IGF2BP3: variants seen among roughly 807,000 people sequenced by gnomAD.
The protein encoded by IGF2BP3 is insulin-like growth factor 2 mRNA-binding protein 3.
In IGF2BP3, 9 loss-of-function variants were observed where a neutral mutation model predicts 73.8. The ratio of observed to expected loss-of-function variants is 0.12; its 90% CI spans 0.07 to 0.21. IGF2BP3 has a LOEUF of 0.21. Ranked by LOEUF, IGF2BP3 falls within the 10% of genes least tolerant of loss-of-function variation. The pLI is 1.00. For synonymous variants in IGF2BP3, 258 were observed against 256.7 expected, an observed-to-expected ratio of 1.01 and a Z score of -0.05; for missense variants, 542 against 714.0, an observed-to-expected ratio of 0.76 and a Z score of 2.75.
chr7:23,374,870 A>G (rs1000201423), intron 3 of IGF2BP3, among the ~76,000 whole-genome samples: 17 of 152,188 alleles, frequency 1.1e-4, no homozygotes, highest in Non-Finnish European at 1.8e-4. Context: ...GGGAGACATC[A>G]CATGTCGGCA....
At chr7:23,414,860 G>C (rs890565036) in intron 3 of IGF2BP3, 8 of 174,164 alleles carry the variant, frequency 4.6e-5, no homozygotes, top group Non-Finnish European at 7.3e-5. Flanking sequence ...GGCCCTGTCC[G>C]TCAGTCGGCA....
chr7:23,361,313 T>C (rs1193177075), intron 5 of IGF2BP3: 1 of 470,950 alleles, frequency 2.1e-6, no homozygotes, highest in East Asian at 3.8e-5. Flanking sequence ...ACTCTATTAT[T>C]GGCATTAAAG....
In IGF2BP3 at chr7:23,469,772, A is replaced by G. The variant is rs149182504; in HGVS notation, c.175+164T>C. Among the ~76,000 whole-genome samples the G allele has an allele frequency of 0.019, 2,932 of 151,486 alleles. 98 individuals carry two copies. Among genetic ancestry groups the G allele is most frequent in the African/African-American group, 0.068 (2,802 of 41,368 alleles). ...AGCCGCGGGCCGGAGTGGGAGCCGGAGCTGAGGAGAGCCCCGGCCCCCACG... is the reference window on the plus strand; with the variant it reads ...AGCCGCGGGCCGGAGTGGGAGCCGGGGCTGAGGAGAGCCCCGGCCCCCACG... On this transcript the variant is annotated intron_variant, in intron 1 of 14. Coordinates refer to ENST00000258729, the MANE Select transcript of IGF2BP3 (RefSeq NM_006547.3). The surrounding 1 kb of genome is among the most constrained non-coding windows in gnomAD (Gnocchi z 6.1).
At chr7:23,321,243 G>T (rs577716606) in intron 10 of IGF2BP3, among the ~76,000 whole-genome samples, 2 of 152,340 alleles carry the variant, frequency 1.3e-5, no homozygotes, top group South Asian at 4.1e-4. Flanking sequence ...AGCAGGGCGA[G>T]GCATTGCCTC....
intron 2 of IGF2BP3, among the ~76,000 whole-genome samples, chr7:23,442,552 C>G (rs1787961553): frequency 6.6e-6 from 1 of 152,064 alleles, no homozygotes; most frequent in South Asian, 2.1e-4. Flanking sequence ...CACCCACTAC[C>G]ACGCCCAGCT....
chr7:23,469,298 C>T lies in IGF2BP3; in HGVS notation c.175+638G>A, dbSNP rs1315146910. ...GCGGGCGGCCGGTGCGTGGCGGCGA[C>T]TCCCTTCCAGGCGACCAGCCGCCCC... On this transcript the variant is annotated intron_variant, in intron 1 of 14. Coordinates refer to ENST00000258729, the MANE Select transcript of IGF2BP3 (RefSeq NM_006547.3). This position sits in a 1 kb window ranked among gnomAD's most constrained non-coding sequence, Gnocchi z 6.1. The T allele has an allele frequency of 6.6e-6, 1 of 152,164 alleles. No homozygotes were observed. Among genetic ancestry groups the T allele is most frequent in the East Asian group, 1.9e-4 (1 of 5,130 alleles). The allele number at this position is 152,164 out of a possible 1,614,324, so 9.4% of individuals were successfully genotyped here.
chr7:23,326,133 T>C (rs1054480938), intron 10 of IGF2BP3, among the ~76,000 whole-genome samples: 1 of 152,016 alleles, frequency 6.6e-6, no homozygotes, highest in Non-Finnish European at 1.5e-5. Context: ...ACAGGCAACC[T>C]ACAGAATGGG....
chr7:23,365,457 C>A (rs1785345744), intron 3 of IGF2BP3, among the ~76,000 whole-genome samples: 1 of 152,142 alleles, frequency 6.6e-6, no homozygotes, highest in Non-Finnish European at 1.5e-5. Context: ...ACTAAACCTA[C>A]AATAATGTCA....
chr7:23,436,383 A>T (rs932635034), intron 2 of IGF2BP3, among the ~76,000 whole-genome samples: 1 of 152,212 alleles, frequency 6.6e-6, no homozygotes, highest in African/African-American at 2.4e-5. Flanking sequence ...TGTGGCATTG[A>T]GGCACAGAGA....
chr7:23,361,331 G>C (rs1337611990), intron 5 of IGF2BP3: 4 of 516,952 alleles, frequency 7.7e-6, no homozygotes, highest in Non-Finnish European at 1.0e-5. Context: ...AAGATATATT[G>C]AAAATGTAAT....
At chr7:23,422,007 G>A (rs1466969318) in intron 2 of IGF2BP3, among the ~76,000 whole-genome samples, 1 of 152,000 alleles carries the variant, frequency 6.6e-6, no homozygotes, top group African/African-American at 2.4e-5. Flanking sequence ...TTGAACTCCT[G>A]GGCTCAAGCA....
intron 10 of IGF2BP3, among the ~76,000 whole-genome samples, chr7:23,341,119 G>C (rs542069436): frequency 5.9e-5 from 9 of 152,006 alleles, no homozygotes; most frequent in African/African-American, 2.2e-4. Flanking sequence ...CAAAGTGCTG[G>C]GATTACAGGT....
intron 3 of IGF2BP3, among the ~76,000 whole-genome samples, chr7:23,370,845 T>G (rs1785521276): frequency 6.6e-6 from 1 of 151,856 alleles, no homozygotes; most frequent in Non-Finnish European, 1.5e-5. Context: ...GCCCAGCTAA[T>G]TTTTTGTATT....
At chr7:23,425,160 C>T (rs889694332) in intron 2 of IGF2BP3, among the ~76,000 whole-genome samples, 2 of 152,136 alleles carry the variant, frequency 1.3e-5, no homozygotes, top group African/African-American at 2.4e-5. Flanking sequence ...GAGGTTTGTT[C>T]GTATCAAGAT....
chr7:23,370,430 C>A (rs542921018), intron 3 of IGF2BP3, among the ~76,000 whole-genome samples: 1 of 152,210 alleles, frequency 6.6e-6, no homozygotes, highest in Admixed American at 6.5e-5. Context: ...GAAGATGGAA[C>A]AACAATGTCG....
intron 3 of IGF2BP3, among the ~76,000 whole-genome samples, chr7:23,390,099 G>A (rs58725019): frequency 6.6e-6 from 1 of 152,204 alleles, no homozygotes; most frequent in Non-Finnish European, 1.5e-5. Context: ...TTAGCATGAA[G>A]TATGCTGGGG....
Position 23,354,595 on chromosome 7 carries a change from G to C in IGF2BP3, c.402-3009C>G, listed in dbSNP as rs1228568377. ...AGTTACCAGATGCTTCTATATTCTAGAACCATCTAAATAGTCACATGTATC... is the reference window on the plus strand; with the variant it reads ...AGTTACCAGATGCTTCTATATTCTACAACCATCTAAATAGTCACATGTATC... On this transcript the variant is annotated intron_variant, in intron 5 of 14. Transcript: ENST00000258729. Among the ~76,000 whole-genome samples, 3 of 152,130 alleles carry C rather than the reference G, an allele frequency of 2.0e-5. No individual in the cohort carries two copies. The East Asian group carries it at 5.8e-4, about 29-fold the overall frequency.
intron 10 of IGF2BP3, among the ~76,000 whole-genome samples, chr7:23,341,677 T>A (rs967918556): frequency 6.6e-6 from 1 of 151,764 alleles, no homozygotes; most frequent in Non-Finnish European, 1.5e-5. Flanking sequence ...CTCCAAAAAC[T>A]TTTAAATAAC....
chr7:23,433,281 C>T (rs956388140), intron 2 of IGF2BP3, among the ~76,000 whole-genome samples: 1 of 151,884 alleles, frequency 6.6e-6, no homozygotes, highest in Non-Finnish European at 1.5e-5. Context: ...TTTTAGAAAC[C>T]GTACATCTTA....
Sources: gnomAD v4.1 joint callset for allele counts (sites outside exome capture counted in the v4.1 genomes callset) on GRCh38, gnomAD v4.1.1 for gene constraint, Gnocchi (gnomAD v3.1) non-coding constraint, MANE v1.5 for transcripts, NCBI Gene and HGNC (gene_info 2026-07-23, HGNC 2026-07-21) for gene names.